The following UBE2E2 variants were observed in gnomAD, a reference collection of about 807,000 sequenced individuals.
UBE2E2 encodes ubiquitin-conjugating enzyme E2 E2.
In UBE2E2, 6 loss-of-function variants were observed where a neutral mutation model predicts 24.7. That is an observed-to-expected ratio of 0.24 (90% CI 0.13 to 0.48). The LOEUF (loss-of-function observed/expected upper bound fraction) is 0.48, where lower values mean the gene tolerates loss of function less well. UBE2E2 is among the 20% of genes least tolerant of loss of function. The pLI is 0.99. For missense variants in UBE2E2, 169 were observed against 245.0 expected (o/e 0.69, Z 2.07); for synonymous variants, 104 against 83.6 (o/e 1.24, Z -1.33).
At chr3:23,531,221 G>T (rs1695115699) in intron 4 of UBE2E2, among the ~76,000 whole-genome samples, 1 of 152,146 alleles carries the variant, frequency 6.6e-6, no homozygotes, top group Non-Finnish European at 1.5e-5. Flanking sequence ...TGGATGCCCT[G>T]GTGGAGTGGC....
At chr3:23,499,483 A>G (rs1699673518) in intron 3 of UBE2E2, 125 bp from the exon 4 acceptor site, 13 of 1,173,800 alleles carry the variant, frequency 1.1e-5, no homozygotes, top group Non-Finnish European at 1.5e-5. Flanking sequence ...TCTTAACATG[A>G]GAGTTAACTG....
intron 3 of UBE2E2, among the ~76,000 whole-genome samples, chr3:23,293,320 C>T (rs1310804408): frequency 6.6e-6 from 1 of 152,146 alleles, no homozygotes; most frequent in Non-Finnish European, 1.5e-5. Context: ...AAACCATTAC[C>T]CTAAAGGTCC....
chr3:23,246,019 AT>A (rs1483524071), intron 3 of UBE2E2, among the ~76,000 whole-genome samples: 2 of 152,162 alleles, frequency 1.3e-5, no homozygotes, highest in Admixed American at 1.3e-4. Flanking sequence ...GTTGTTGAAA[AT>A]AATCAATATT....
Position 23,531,127 on chromosome 3 carries a change from C to T in UBE2E2, c.361-1427C>T, listed in dbSNP as rs140096705. Among the ~76,000 whole-genome samples the T allele has an allele frequency of 1.5e-4, 23 of 152,196 alleles. No individual in the cohort carries two copies. In the East Asian group the frequency reaches 2.3e-3, roughly 15 times the overall value. Reference sequence around the variant, plus strand: ...TAACCTGAGAATGATGTCTCTTGTTCGACAACCACATAAGTCTCTAGATTT... The same window carrying T: ...TAACCTGAGAATGATGTCTCTTGTTTGACAACCACATAAGTCTCTAGATTT... On this transcript the variant is annotated intron_variant, in intron 4 of 5. Transcript: ENST00000396703.
intron 3 of UBE2E2, among the ~76,000 whole-genome samples, chr3:23,493,057 A>C (rs973019502): frequency 5.9e-5 from 9 of 152,114 alleles, no homozygotes; most frequent in African/African-American, 2.2e-4. Flanking sequence ...TGAGGCACAG[A>C]AAGGTTTAGT....
intron 4 of UBE2E2, among the ~76,000 whole-genome samples, chr3:23,525,782 C>T (rs1346196151): frequency 2.0e-5 from 3 of 152,174 alleles, no homozygotes; most frequent in African/African-American, 4.8e-5. Context: ...TGCCCAGCCC[C>T]CTGATCAAAA....
chr3:23,251,987 A>G (rs1277535092), intron 3 of UBE2E2, among the ~76,000 whole-genome samples: 1 of 152,242 alleles, frequency 6.6e-6, no homozygotes, highest in Non-Finnish European at 1.5e-5. Flanking sequence ...AATTATGTTA[A>G]CAGGTACTCC....
chr3:23,357,824 C>T (rs757521159), intron 3 of UBE2E2, among the ~76,000 whole-genome samples: 8 of 148,448 alleles, frequency 5.4e-5, no homozygotes, highest in African/African-American at 1.5e-4. Flanking sequence ...GGTAAATCTT[C>T]GAAGACGGAA....
chr3:23,486,527 T>C (rs757751686), intron 3 of UBE2E2, among the ~76,000 whole-genome samples: 2 of 152,206 alleles, frequency 1.3e-5, no homozygotes, highest in Non-Finnish European at 2.9e-5. Flanking sequence ...TGCAGCTCTT[T>C]CAGTCCCACC....
chr3:23,552,167 C>G (rs1471012563), intron 5 of UBE2E2, among the ~76,000 whole-genome samples: 5 of 152,052 alleles, frequency 3.3e-5, no homozygotes, highest in Non-Finnish European at 7.4e-5. Context: ...GTATGGCCAC[C>G]CGGGCAGACT....
chr3:23,276,934 T>A (rs573892053), intron 3 of UBE2E2, among the ~76,000 whole-genome samples: 1 of 151,914 alleles, frequency 6.6e-6, no homozygotes, highest in East Asian at 1.9e-4. Context: ...AAAACTTTTT[T>A]TATTTTTCTC....
intron 3 of UBE2E2, among the ~76,000 whole-genome samples, chr3:23,340,189 A>G (rs1575571391): frequency 6.6e-6 from 1 of 152,112 alleles, no homozygotes; most frequent in East Asian, 1.9e-4. Flanking sequence ...TATATATTCT[A>G]CTGAATTGTA....
chr3:23,430,277 C>T (rs952575838), intron 3 of UBE2E2, among the ~76,000 whole-genome samples: 1 of 152,254 alleles, frequency 6.6e-6, no homozygotes, highest in South Asian at 2.1e-4. Flanking sequence ...AAGAAAGTCT[C>T]ATTTCTTCCT....
chr3:23,450,549 A>T (rs1698541598), intron 3 of UBE2E2, among the ~76,000 whole-genome samples: 1 of 152,178 alleles, frequency 6.6e-6, no homozygotes, highest in Admixed American at 6.5e-5. Flanking sequence ...TAGAAATATG[A>T]TTCTTTAAAA....
intron 3 of UBE2E2, among the ~76,000 whole-genome samples, chr3:23,452,324 G>A (rs1698578527): frequency 6.6e-6 from 1 of 152,062 alleles, no homozygotes; most frequent in African/African-American, 2.4e-5. Context: ...TCATAAACAG[G>A]TGCAATTTTT....
At chr3:23,267,217 A>T (rs1337071153) in intron 3 of UBE2E2, among the ~76,000 whole-genome samples, 4 of 150,456 alleles carry the variant, frequency 2.7e-5, no homozygotes, top group Admixed American at 1.3e-4. Flanking sequence ...AGCAGAACTG[A>T]AGGAAATAGA....
intron 5 of UBE2E2, chr3:23,534,017 A>T: frequency 5.8e-6 from 1 of 172,958 alleles, no homozygotes. Flanking sequence ...TGTTATACTA[A>T]TTTAAAGTTA....
chr3:23,509,255 C>T (rs11708160), intron 4 of UBE2E2, among the ~76,000 whole-genome samples: 78,995 of 152,028 alleles, frequency 0.52, 20,966 homozygotes, highest in East Asian at 0.73. Context: ...CCTAACCTTA[C>T]AGGAAAGGGC....
intron 5 of UBE2E2, among the ~76,000 whole-genome samples, chr3:23,571,280 C>CTTTTTTTTTTTTGTTTTTTTTTTTTTTT (rs1696219244): frequency 3.3e-5 from 1 of 29,866 alleles, no homozygotes; most frequent in Non-Finnish European, 6.6e-5. Flanking sequence ...GTGCTCCTTT[C>CTTTTTTTTTTTTGTTTTTTTTTTTTTTT]TTTTTTTTTT....
Sources: gnomAD v4.1 joint callset for allele counts (sites outside exome capture counted in the v4.1 genomes callset) on GRCh38, gnomAD v4.1.1 for gene constraint, MANE v1.5 for transcripts, NCBI Gene and HGNC (gene_info 2026-07-23, HGNC 2026-07-21) for gene names.